ILRUN: variants seen among roughly 807,000 people sequenced by gnomAD.
The protein encoded by ILRUN is protein ILRUN.
In ILRUN, 3 loss-of-function variants were observed where a neutral mutation model predicts 33.8. The observed-to-expected ratio is 0.09, with a 90% CI of 0.04 to 0.23. The LOEUF (loss-of-function observed/expected upper bound fraction) is 0.23, where lower values mean the gene tolerates loss of function less well. Among genes scored for constraint, ILRUN ranks in the 10% least tolerant of loss-of-function variants. The probability of loss-of-function intolerance (pLI) is 1.00; values close to 1 mark genes in which losing one functional copy is unlikely to be tolerated. For synonymous variants in ILRUN, 124 were observed against 138.9 expected (o/e 0.89, Z 0.75); for missense variants, 210 against 375.1 (o/e 0.56, Z 3.64).
At chr6:34,693,773 TCTC>T (rs534985148) in intron 1 of ILRUN, among the ~76,000 whole-genome samples, 66 of 152,022 alleles carry the variant, frequency 4.3e-4, no homozygotes, top group African/African-American at 1.4e-3. Flanking sequence ...TTCACGCCAT[TCTC>T]CTGTCTCAGC....
rs1381294874 is a variant in ILRUN at position 34,587,845 on chromosome 6, A to C, written c.*2720T>G. ...CCATGCACACTGACAGATTCTTCCC[A>C]AGTCTGAACCCCTCTGTCTCCCCAA... On this transcript the variant is annotated 3_prime_UTR_variant, in exon 5 of 5. Coordinates refer to ENST00000374023, the MANE Select transcript of ILRUN (RefSeq NM_024294.4). The C allele has an allele frequency of 2.6e-6, 1 of 391,282 alleles. No individual in the cohort carries two copies. The highest frequency in any genetic ancestry group is 3.6e-5 in the East Asian group (1 of 27,682). 24.2% of individuals were successfully genotyped at this position (391,282 alleles called of 1,614,324 possible).
At chr6:34,603,302 C>G (rs1341530584) in intron 4 of ILRUN, among the ~76,000 whole-genome samples, 1 of 152,076 alleles carries the variant, frequency 6.6e-6, no homozygotes, top group Non-Finnish European at 1.5e-5. Context: ...CACTTGAGGT[C>G]AGGAGTTCGA....
chr6:34,596,443 A>C (rs553543681), intron 4 of ILRUN, among the ~76,000 whole-genome samples: 1 of 152,230 alleles, frequency 6.6e-6, no homozygotes, highest in South Asian at 2.1e-4. Flanking sequence ...CAGCCTCCCA[A>C]GTAGCCAGGA....
At chr6:34,633,512 G>A (rs1418249980) in intron 3 of ILRUN, among the ~76,000 whole-genome samples, 2 of 152,034 alleles carry the variant, frequency 1.3e-5, no homozygotes, top group Non-Finnish European at 2.9e-5. Flanking sequence ...TATTCACCAA[G>A]ATAGACAACA....
intron 3 of ILRUN, among the ~76,000 whole-genome samples, chr6:34,609,844 C>T (rs1417960899): frequency 6.6e-6 from 1 of 152,160 alleles, no homozygotes; most frequent in Non-Finnish European, 1.5e-5. Flanking sequence ...AATGTACATT[C>T]ATTCCAGATA....
Position 34,654,671 on chromosome 6 carries a change from T to A in ILRUN, c.267A>T (p.Ile89=). ...EDVTIGEGES[I]PPDTQFVKTW... Reference sequence around the variant, plus strand: ...TTTTTACAAACTGAGTATCCGGAGGTATTGACTCCCCTTCTCCTATGGTGA... The same window carrying A: ...TTTTTACAAACTGAGTATCCGGAGGAATTGACTCCCCTTCTCCTATGGTGA... Residue 89 remains isoleucine, a synonymous_variant, in exon 2 of 5, where the codon ATA becomes ATT. Coordinates refer to ENST00000374023, the MANE Select transcript of ILRUN (RefSeq NM_024294.4). 6.2e-7 allele frequency: 1 copy of A among 1,613,922 alleles called. No homozygotes were observed. Among genetic ancestry groups the A allele is most frequent in the Non-Finnish European group, 8.5e-7 (1 of 1,179,944 alleles).
intron 3 of ILRUN, among the ~76,000 whole-genome samples, chr6:34,608,295 G>T (rs1006946352): frequency 7.2e-5 from 11 of 151,892 alleles, no homozygotes; most frequent in Admixed American, 2.6e-4. Context: ...TCAGGAGGCT[G>T]AGGCAGGAGA....
At chr6:34,683,494 A>ATG (rs1763443807) in intron 1 of ILRUN, among the ~76,000 whole-genome samples, 5 of 93,478 alleles carry the variant, frequency 5.3e-5, no homozygotes, top group African/African-American at 3.3e-4. Context: ...ATACATATAT[A>ATG]TATACATATA....
intron 3 of ILRUN, among the ~76,000 whole-genome samples, chr6:34,637,864 CTGTTGTTGTTGTTGTTGTTGT>C (rs57559266): frequency 7.0e-6 from 1 of 141,930 alleles, no homozygotes; most frequent in Non-Finnish European, 1.5e-5. Context: ...GCTGCTGCTG[CTGTTGTTGTTGTTGTTGTTGT>C]TGTTGTTGTT....
intron 2 of ILRUN, among the ~76,000 whole-genome samples, chr6:34,647,188 G>A (rs1397196396): frequency 6.6e-6 from 1 of 152,192 alleles, no homozygotes; most frequent in Non-Finnish European, 1.5e-5. Context: ...GGTAACACAT[G>A]TCCATTTTCA....
intron 3 of ILRUN, among the ~76,000 whole-genome samples, chr6:34,622,886 G>GTA (rs766012213): frequency 7.2e-5 from 11 of 152,094 alleles, no homozygotes; most frequent in Middle Eastern, 3.2e-3. Flanking sequence ...ACAAAATGTA[G>GTA]TATATATATA....
In ILRUN at chr6:34,683,518, A is replaced by ATATGTG. The variant is rs1562033420; in HGVS notation, c.158+12927_158+12928insCACATA. 1.0e-3 allele frequency among the ~76,000 whole-genome samples: 101 copies of ATATGTG among 99,626 alleles called. 2 individuals are homozygous for ATATGTG. The highest frequency in any genetic ancestry group is 3.6e-3 in the African/African-American group (68 of 19,102). The allele number at this position is 99,626 out of a possible 152,430, so 65.4% of individuals were successfully genotyped here. A position where few individuals can be genotyped will look rare whatever the true frequency, so the allele number is the denominator to read the frequency against. ...TATATACATATATATATATATACAT[A>ATATGTG]TATATATATACATATTGCACAGAAT... On this transcript the variant is annotated intron_variant, in intron 1 of 4. Coordinates refer to ENST00000374023, the MANE Select transcript of ILRUN (RefSeq NM_024294.4).
intron 4 of ILRUN, among the ~76,000 whole-genome samples, chr6:34,593,371 G>T (rs1761335139): frequency 6.6e-6 from 1 of 152,160 alleles, no homozygotes; most frequent in African/African-American, 2.4e-5. Flanking sequence ...CTGGCTTTAT[G>T]ATTTGTCTAG....
At chr6:34,597,891 T>C (rs1480353376) in intron 4 of ILRUN, among the ~76,000 whole-genome samples, 1 of 152,162 alleles carries the variant, frequency 6.6e-6, no homozygotes, top group African/African-American at 2.4e-5. Flanking sequence ...TGGTTCTTCT[T>C]CCCTCCAATT....
chr6:34,693,517 G>A (rs1027444559), intron 1 of ILRUN, among the ~76,000 whole-genome samples: 2 of 151,662 alleles, frequency 1.3e-5, no homozygotes, highest in African/African-American at 4.8e-5. Context: ...CACCACACCT[G>A]GCCCAGAACA....
rs576942764 is a variant in ILRUN at position 34,609,182 on chromosome 6, G to A, written c.512-2278C>T. On this transcript the variant is annotated intron_variant, in intron 3 of 4. Transcript: ENST00000374023. The stretch of plus-strand genomic sequence containing the variant: ...TGTTTATTCTAAATTTTTAATTTGG[G>A]CTGTATATCAAAAGAAGGCAGCCTG... 7.4e-4 allele frequency among the ~76,000 whole-genome samples: 112 copies of A among 152,258 alleles called. 1 individual carries two copies. The highest frequency in any genetic ancestry group is 2.6e-3 in the African/African-American group (109 of 41,538).
At chr6:34,594,196 C>T (rs1761350479) in intron 4 of ILRUN, among the ~76,000 whole-genome samples, 1 of 152,234 alleles carries the variant, frequency 6.6e-6, no homozygotes, top group African/African-American at 2.4e-5. Flanking sequence ...TTCTCTTACA[C>T]TTGTACCACT....
intron 1 of ILRUN, among the ~76,000 whole-genome samples, chr6:34,666,377 T>C (rs1332764306): frequency 3.3e-5 from 5 of 152,128 alleles, no homozygotes; most frequent in Non-Finnish European, 7.4e-5. Context: ...CTGACCAACA[T>C]GGAGAAACCC....
At chr6:34,692,325 T>C (rs1230065017) in intron 1 of ILRUN, among the ~76,000 whole-genome samples, 2 of 152,182 alleles carry the variant, frequency 1.3e-5, no homozygotes, top group Admixed American at 6.5e-5. Flanking sequence ...ATTTACCACA[T>C]TATTTTCTAA....
Sources: allele counts gnomAD v4.1 joint callset (sites outside exome capture counted in the v4.1 genomes callset), GRCh38; gene constraint gnomAD v4.1.1; transcripts MANE v1.5; gene names NCBI Gene and HGNC (gene_info 2026-07-23, HGNC 2026-07-21).